Variants in ACACB observed in about 807,000 individuals in gnomAD.
ACACB encodes the protein acetyl-CoA carboxylase beta.
ACACB carries 209 observed loss-of-function variants against 278.8 expected under a neutral mutation model. The observed-to-expected ratio is 0.75, with a 90% CI of 0.67 to 0.84. The LOEUF is 0.84. ACACB is among the 40% of genes least tolerant of loss of function. The pLI is 0.00. For synonymous variants in ACACB, 1,174 were observed against 1,285.6 expected (o/e 0.91, Z 1.86); for missense variants, 2,850 against 3,269.0 (o/e 0.87, Z 3.13).
In ACACB at chr12:109,265,158, C is replaced by T. The variant is rs147871680; in HGVS notation, c.6991C>T (p.Arg2331Cys). Residue 2331 changes from arginine (R) to cysteine (C), a missense_variant, in exon 51 of 53, where the codon CGC (arginine) becomes TGC (cysteine). Around this residue, in one of 3 missense-constraint regions of ACACB, gnomAD observed 579 missense variants for 684.6 expected, o/e 0.85. Transcript: ENST00000338432. ...TARTFLYWRL[R>C]RLLLEDQVKQ... Reference sequence around the variant, plus strand: ...ACGCACCTTCCTGTATTGGCGTCTGCGCCGCCTCCTCCTGGAGGACCAGGT... The same window carrying T: ...ACGCACCTTCCTGTATTGGCGTCTGTGCCGCCTCCTCCTGGAGGACCAGGT... 97 of 1,613,680 alleles carry T rather than the reference C, an allele frequency of 6.0e-5. No individual in the cohort carries two copies. The African/African-American group carries it at 6.7e-4, about 11-fold the overall frequency.
chr12:109,172,558 C>G (rs182829639), intron 6 of ACACB, among the ~76,000 whole-genome samples: 2 of 152,196 alleles, frequency 1.3e-5, no homozygotes, highest in South Asian at 4.1e-4. Context: ...AGGAGCTGCC[C>G]GCTTTTCAAA....
At chr12:109,238,046 T>C (rs1593668046) in intron 34 of ACACB, among the ~76,000 whole-genome samples, 1 of 149,490 alleles carries the variant, frequency 6.7e-6, no homozygotes, top group African/African-American at 2.5e-5. Context: ...GAAACAGAAG[T>C]AATCCATGAT....
At chr12:109,212,112 G>A (rs556176456) in intron 21 of ACACB, among the ~76,000 whole-genome samples, 7 of 152,222 alleles carry the variant, frequency 4.6e-5, no homozygotes, top group South Asian at 4.2e-4. Context: ...CATTTTGAGC[G>A]CTTGAATTCC....
In ACACB at chr12:109,139,681, A is replaced by C; in HGVS notation, c.276A>C (p.Leu92=). 1 of 1,613,904 alleles carries C rather than the reference A, an allele frequency of 6.2e-7. No homozygotes were observed. The highest frequency in any genetic ancestry group is 1.1e-5 in the South Asian group (1 of 91,066). The change falls in exon 2 of 53, where the codon CTA becomes CTC. Residue 92 remains leucine, a synonymous_variant. Transcript: ENST00000338432. ...ATGCCGGTCGGCGGAGAAACTCCCT[A>C]CCACCCTCCCACCAGAAGCCCCCAA... The part of the protein sequence containing the change: ...PKDAGRRRNS[L]PPSHQKPPRN...
chr12:109,121,439 T>G (rs1385869144), intron 1 of ACACB, among the ~76,000 whole-genome samples: 7 of 152,180 alleles, frequency 4.6e-5, no homozygotes, highest in Non-Finnish European at 4.4e-5. Context: ...CTCACAGATC[T>G]TACCTTCTAG....
chr12:109,145,160 C>T (rs1414340073), intron 2 of ACACB, among the ~76,000 whole-genome samples: 1 of 148,554 alleles, frequency 6.7e-6, no homozygotes, highest in Non-Finnish European at 1.5e-5. Flanking sequence ...TGATTGGTTG[C>T]TATTGTTTTT....
chr12:109,219,372 T>G (rs1453804396), intron 24 of ACACB, among the ~76,000 whole-genome samples: 3 of 152,186 alleles, frequency 2.0e-5, no homozygotes, highest in Non-Finnish European at 4.4e-5. Context: ...CTTTTAATCC[T>G]GGCTGTACAT....
Position 109,222,472 on chromosome 12 carries a change from G to A in ACACB, c.3565-35G>A, listed in dbSNP as rs200912252. ...GTGCTGCATGTTTCCCTGGGCTGGA[G>A]AAAAGCCATTTGGCTTCTTTTTCTG... On this transcript the variant is annotated intron_variant, in intron 24 of 52. Coordinates refer to ENST00000338432, the MANE Select transcript of ACACB (RefSeq NM_001093.4). 52 of 1,597,538 alleles carry A rather than the reference G, an allele frequency of 3.3e-5. No individual in the cohort carries two copies. In the African/African-American group the frequency reaches 6.7e-4, roughly 21 times the overall value.
At position 109,260,461 on chromosome 12, in the gene ACACB, A is replaced by G; in HGVS notation, c.6497-19A>G. On this transcript the variant is annotated intron_variant, in intron 47 of 52. Coordinates refer to ENST00000338432, the MANE Select transcript of ACACB (RefSeq NM_001093.4). ...GGATGAGTGAGGGCCCTGAACTGGGAGGCTGCTTTGCTTTTCAGACATGTA... is the reference window on the plus strand; with the variant it reads ...GGATGAGTGAGGGCCCTGAACTGGGGGGCTGCTTTGCTTTTCAGACATGTA... 6.2e-7 allele frequency: 1 copy of G among 1,614,088 alleles called. No individual in the cohort carries two copies. Among genetic ancestry groups the G allele is most frequent in the Non-Finnish European group, 8.5e-7 (1 of 1,179,978 alleles).
At chr12:109,127,301 T>A (rs770260493) in intron 1 of ACACB, among the ~76,000 whole-genome samples, 21 of 152,126 alleles carry the variant, frequency 1.4e-4, no homozygotes, top group Non-Finnish European at 2.5e-4. Flanking sequence ...TGAAATGGGA[T>A]ACTTGTAAAC....
At chr12:109,192,295 G>C (rs535072777) in intron 15 of ACACB, among the ~76,000 whole-genome samples, 1 of 152,192 alleles carries the variant, frequency 6.6e-6, no homozygotes, top group African/African-American at 2.4e-5. Flanking sequence ...CTCTACAAGC[G>C]GGTGCATTCC....
intron 27 of ACACB, among the ~76,000 whole-genome samples, chr12:109,226,201 T>C (rs1212463826): frequency 6.6e-6 from 1 of 151,670 alleles, no homozygotes; most frequent in African/African-American, 2.4e-5. Context: ...AGCTCAGGAG[T>C]TCAAGGCTGC....
chr12:109,235,224 C>T, intron 31 of ACACB, 89 bp from the exon 32 acceptor site: 2 of 1,077,246 alleles, frequency 1.9e-6, no homozygotes, highest in Admixed American at 1.7e-5. Flanking sequence ...ATAATGTTTA[C>T]AGGTTCATCC....
chr12:109,119,575 G>C (rs2042489735), intron 1 of ACACB, among the ~76,000 whole-genome samples: 1 of 146,194 alleles, frequency 6.8e-6, no homozygotes, highest in Non-Finnish European at 1.5e-5. Context: ...GGGCAACAGA[G>C]CAAGACTCTG....
rs2046208372 is a variant in ACACB at position 109,222,727 on chromosome 12, C to G, written c.3679-72C>G. On this transcript the variant is annotated intron_variant, in intron 25 of 52. Coordinates refer to ENST00000338432, the MANE Select transcript of ACACB (RefSeq NM_001093.4). Reference sequence around the variant, plus strand: ...ATGCACAGTCCCACCGTGCTGCCGGCCCGTGCCCGAGCCTCTGCCTTCTGC... The same window carrying G: ...ATGCACAGTCCCACCGTGCTGCCGGGCCGTGCCCGAGCCTCTGCCTTCTGC... 3 of 1,532,924 alleles carry G rather than the reference C, an allele frequency of 2.0e-6. No individual in the cohort carries two copies. The South Asian group carries it at 3.4e-5, about 17-fold the overall frequency. 95.0% of individuals were successfully genotyped at this position (1,532,924 alleles called of 1,614,324 possible). A position where few individuals can be genotyped will look rare whatever the true frequency, so the allele number is the denominator to read the frequency against.
intron 28 of ACACB, 70 bp downstream of exon 28, chr12:109,227,559 G>A: frequency 1.4e-6 from 2 of 1,463,138 alleles, no homozygotes; most frequent in Non-Finnish European, 9.5e-7. Flanking sequence ...TCCTGTCTCT[G>A]GAAGGACCTG....
At chr12:109,130,556 A>G (rs2042798198) in intron 1 of ACACB, among the ~76,000 whole-genome samples, 1 of 152,140 alleles carries the variant, frequency 6.6e-6, no homozygotes, top group Non-Finnish European at 1.5e-5. Flanking sequence ...CTCATCTACA[A>G]CACAAGCACA....
At chr12:109,259,297 G>A (rs1338031943) in intron 47 of ACACB, among the ~76,000 whole-genome samples, 189 bp downstream of exon 47, 1 of 152,184 alleles carries the variant, frequency 6.6e-6, no homozygotes, top group Non-Finnish European at 1.5e-5. Flanking sequence ...GAACTGCTGG[G>A]CACAGTGGCA....
intron 28 of ACACB, 65 bp downstream of exon 28, chr12:109,227,554 T>A: frequency 6.7e-7 from 1 of 1,489,596 alleles, no homozygotes; most frequent in Non-Finnish European, 9.3e-7. Context: ...TGTCGTCCTG[T>A]CTCTGGAAGG....
Sources: gnomAD v4.1 joint callset for allele counts (sites outside exome capture counted in the v4.1 genomes callset) on GRCh38, gnomAD v4.1.1 for gene constraint, gnomAD v4.1.1 regional missense constraint, MANE v1.5 for transcripts, NCBI Gene and HGNC (gene_info 2026-07-23, HGNC 2026-07-21) for gene names.